Variants in FOXO1 observed in about 807,000 individuals in gnomAD.
The protein encoded by FOXO1 is forkhead box protein O1.
FOXO1 carries 6 observed loss-of-function variants against 44.1 expected under a neutral mutation model. The observed-to-expected ratio is 0.14, with a 90% CI of 0.07 to 0.27. The LOEUF is 0.27. Among genes scored for constraint, FOXO1 ranks in the 10% least tolerant of loss-of-function variants. The pLI is 1.00. For synonymous variants in FOXO1, 380 were observed against 362.7 expected (o/e 1.05, Z -0.54); for missense variants, 737 against 888.8 (o/e 0.83, Z 2.17).
intron 1 of FOXO1, among the ~76,000 whole-genome samples, chr13:40,635,514 CCTGGT>C (rs1439959772): frequency 1.3e-5 from 2 of 152,188 alleles, no homozygotes; most frequent in Non-Finnish European, 2.9e-5. Context: ...ATATCATCAT[CCTGGT>C]CAGTTTTGCT....
chr13:40,629,521 A>G (rs2137911303), intron 1 of FOXO1, among the ~76,000 whole-genome samples: 1 of 152,372 alleles, frequency 6.6e-6, no homozygotes, highest in South Asian at 2.1e-4. Flanking sequence ...TCCCTTATCC[A>G]AAATGATTGG....
chr13:40,588,635 T>G (rs1053348273), intron 1 of FOXO1, among the ~76,000 whole-genome samples: 26 of 152,208 alleles, frequency 1.7e-4, no homozygotes, highest in African/African-American at 6.3e-4. Flanking sequence ...TATTTTCCTG[T>G]TATCCATCTA....
In FOXO1 at chr13:40,560,394, C is replaced by T. The variant is rs750700983; in HGVS notation, c.1097G>A (p.Ser366Asn). The change falls in exon 2 of 3, where the codon AGC (serine) becomes AAC (asparagine). Residue 366 changes from serine to asparagine, a missense_variant. Physicochemically the swap from Ser to Asn is conservative, Grantham distance 46 (BLOSUM62 1). Transcript: ENST00000379561. This position sits in a 1 kb window ranked among gnomAD's most constrained non-coding sequence, Gnocchi z 5.1. ...AAGATTTTCCATGTTTTCGGGATTG[C>T]TTATCTCAGACAGACTGGGTAAAGT... ...ASTLPSLSEISNPENMENLLD... is the reference protein window; with the variant it reads ...ASTLPSLSEINNPENMENLLD... The T allele has an allele frequency of 8.7e-6, 14 of 1,614,014 alleles. No homozygotes were observed. In the Admixed American group the frequency reaches 1.5e-4, roughly 17 times the overall value.
At chr13:40,621,254 T>C in intron 1 of FOXO1, 1 of 802,120 alleles carries the variant, frequency 1.2e-6, no homozygotes, top group Non-Finnish European at 2.0e-6. Context: ...GGCATGAATT[T>C]CATATTCATT....
rs1325886056 is a variant in FOXO1, at chr13:40,559,031, T to C, written c.*18A>G. 3 of 398,202 alleles carry C rather than the reference T, an allele frequency of 7.5e-6. No homozygotes were observed. The Admixed American group carries it at 1.3e-4, about 18-fold the overall frequency. The allele number at this position is 398,202 out of a possible 1,614,324, so 24.7% of individuals were successfully genotyped here. On this transcript the variant is annotated 3_prime_UTR_variant, in exon 3 of 3. Transcript: ENST00000379561. The stretch of plus-strand genomic sequence containing the variant: ...AGACAATCTGAAGTACTTTTAAGTG[T>C]AACCTAGGAAAAAACACATACATAC...
At chr13:40,586,458 C>T (rs1593389198) in intron 1 of FOXO1, among the ~76,000 whole-genome samples, 1 of 152,212 alleles carries the variant, frequency 6.6e-6, no homozygotes. Flanking sequence ...CCATCAAGAA[C>T]ACCTACTCCT....
intron 1 of FOXO1, among the ~76,000 whole-genome samples, chr13:40,575,710 A>T (rs1235819945): frequency 6.6e-6 from 1 of 152,224 alleles, no homozygotes; most frequent in Non-Finnish European, 1.5e-5. Flanking sequence ...CCTACTGTAT[A>T]CTGTGGAAAT....
chr13:40,654,389 C>G (rs1877788066), intron 1 of FOXO1, among the ~76,000 whole-genome samples: 1 of 140,978 alleles, frequency 7.1e-6, no homozygotes, highest in Non-Finnish European at 1.5e-5. Flanking sequence ...GTAATCCCAG[C>G]TACTCAGGAG....
At chr13:40,563,519 C>T (rs994585950) in intron 1 of FOXO1, among the ~76,000 whole-genome samples, 1 of 152,116 alleles carries the variant, frequency 6.6e-6, no homozygotes, top group African/African-American at 2.4e-5. Context: ...GAAGACACCA[C>T]CGGAGCCCCA....
intron 1 of FOXO1, among the ~76,000 whole-genome samples, chr13:40,586,220 T>G (rs137964921): frequency 9.8e-5 from 15 of 152,348 alleles, no homozygotes; most frequent in African/African-American, 1.9e-4. Flanking sequence ...ACAGTACTAT[T>G]TTGTAAAACT....
intron 1 of FOXO1, among the ~76,000 whole-genome samples, chr13:40,628,826 A>C (rs1382110134): frequency 6.6e-6 from 1 of 152,202 alleles, no homozygotes; most frequent in Non-Finnish European, 1.5e-5. Flanking sequence ...GTTGTCCCCC[A>C]GGCACCTGCT....
At chr13:40,584,501 A>AAAAAAAAAAAAAAAAAAAAAGC (rs1555248680) in intron 1 of FOXO1, among the ~76,000 whole-genome samples, 1 of 117,194 alleles carries the variant, frequency 8.5e-6, no homozygotes, top group East Asian at 3.4e-4. Context: ...AAAAAAAAAA[A>AAAAAAAAAAAAAAAAAAAAAGC]GCCAGATGCA....
intron 1 of FOXO1, among the ~76,000 whole-genome samples, chr13:40,644,677 A>C (rs1263381746): frequency 6.6e-6 from 1 of 152,138 alleles, no homozygotes; most frequent in African/African-American, 2.4e-5. Flanking sequence ...CAAACCTCTA[A>C]ACTCTCAACA....
intron 1 of FOXO1, among the ~76,000 whole-genome samples, chr13:40,660,173 G>C (rs186611088): frequency 5.5e-4 from 83 of 152,214 alleles, no homozygotes; most frequent in African/African-American, 1.8e-3. Context: ...GGAGATCCTG[G>C]GGGGGCTGGG....
intron 1 of FOXO1, among the ~76,000 whole-genome samples, chr13:40,584,271 C>T (rs1875065738): frequency 6.6e-6 from 1 of 151,778 alleles, no homozygotes; most frequent in African/African-American, 2.4e-5. Flanking sequence ...GCAGAGAGAC[C>T]TTGCTCACCC....
At chr13:40,618,907 C>T (rs1876514067) in intron 1 of FOXO1, 2 of 525,002 alleles carry the variant, frequency 3.8e-6, no homozygotes, top group Admixed American at 1.9e-5. Context: ...ATCTTTTAGG[C>T]TCCCCTAGAG....
chr13:40,627,780 C>T (rs906462327), intron 1 of FOXO1, among the ~76,000 whole-genome samples: 3 of 151,596 alleles, frequency 2.0e-5, no homozygotes, highest in Non-Finnish European at 4.4e-5. Context: ...TTGCAGTGAG[C>T]CAAGATCGCG....
chr13:40,633,188 C>A (rs528237527), intron 1 of FOXO1, among the ~76,000 whole-genome samples: 1 of 152,338 alleles, frequency 6.6e-6, no homozygotes, highest in East Asian at 1.9e-4. Flanking sequence ...CACTTTTCAG[C>A]AGTTTGACAG....
At chr13:40,569,423 T>G (rs1038316427) in intron 1 of FOXO1, among the ~76,000 whole-genome samples, 2 of 152,210 alleles carry the variant, frequency 1.3e-5, no homozygotes, top group African/African-American at 4.8e-5. Flanking sequence ...ACAATGACAA[T>G]AAACACTGGC....
Sources: allele counts gnomAD v4.1 joint callset (sites outside exome capture counted in the v4.1 genomes callset), GRCh38; gene constraint gnomAD v4.1.1; non-coding constraint Gnocchi (gnomAD v3.1); transcripts MANE v1.5; gene names NCBI Gene and HGNC (gene_info 2026-07-23, HGNC 2026-07-21).